Variants in PPP1R12A observed in about 807,000 individuals in gnomAD.
PPP1R12A encodes myosin binding subunit.
Under a neutral mutation model 139.6 loss-of-function variants are expected in PPP1R12A, and 19 were observed. The observed-to-expected ratio is 0.14, with a 90% CI of 0.09 to 0.20. PPP1R12A has a LOEUF of 0.20. Among genes scored for constraint, PPP1R12A ranks in the 10% least tolerant of loss-of-function variants. PPP1R12A has a pLI of 1.00. For missense variants in PPP1R12A, 925 were observed against 1,211.5 expected (o/e 0.76, Z 3.51); for synonymous variants, 427 against 420.6 (o/e 1.02, Z -0.19).
At chr12:79,827,624 G>C (rs1347872468) in intron 5 of PPP1R12A, among the ~76,000 whole-genome samples, 1 of 152,144 alleles carries the variant, frequency 6.6e-6, no homozygotes, top group Non-Finnish European at 1.5e-5. Flanking sequence ...GAGTAGAGGA[G>C]AGAAGTCTAG....
intron 2 of PPP1R12A, among the ~76,000 whole-genome samples, chr12:79,861,675 G>A (rs751898972): frequency 1.1e-4 from 17 of 152,132 alleles, no homozygotes; most frequent in South Asian, 2.1e-4. Context: ...TGCTTGGCTC[G>A]GCGGGTCTCA....
intron 1 of PPP1R12A, among the ~76,000 whole-genome samples, chr12:79,873,814 A>G (rs936482966): frequency 6.6e-5 from 10 of 152,202 alleles, no homozygotes; most frequent in South Asian, 2.1e-4. Context: ...TCTTCCAAGT[A>G]TGATGGTTGT....
chr12:79,820,319 T>C (rs1875940322), intron 8 of PPP1R12A, among the ~76,000 whole-genome samples: 1 of 152,208 alleles, frequency 6.6e-6, no homozygotes, highest in Non-Finnish European at 1.5e-5. Context: ...TTTCTGTATC[T>C]TTAAAATTTC....
chr12:79,798,869 A>G (rs922474253), intron 14 of PPP1R12A, among the ~76,000 whole-genome samples: 7 of 152,176 alleles, frequency 4.6e-5, no homozygotes, highest in African/African-American at 1.7e-4. Flanking sequence ...ACATTTTTAA[A>G]AAGGATTTAG....
At chr12:79,813,707 A>G (rs2137083955) in intron 9 of PPP1R12A, among the ~76,000 whole-genome samples, 1 of 152,350 alleles carries the variant, frequency 6.6e-6, no homozygotes, top group Admixed American at 6.5e-5. Flanking sequence ...TATAGATAAC[A>G]TCTCCACAAA....
intron 1 of PPP1R12A, among the ~76,000 whole-genome samples, chr12:79,918,754 G>C (rs1235211266): frequency 6.6e-6 from 1 of 151,954 alleles, no homozygotes; most frequent in African/African-American, 2.4e-5. Context: ...TCAGTGCCTT[G>C]TCCACACTGC....
At chr12:79,899,257 TATATATATATATATATATATATATA>T (rs1885421447) in intron 1 of PPP1R12A, among the ~76,000 whole-genome samples, 2 of 2,082 alleles carry the variant, frequency 9.6e-4, no homozygotes, top group Non-Finnish European at 2.2e-3. Flanking sequence ...TATATATATA[TATATATATATATATATATATATATA>T]TTCACTGTCT....
At position 79,874,666 on chromosome 12, in the gene PPP1R12A, TA is replaced by T. The variant is rs1206848303; in HGVS notation, c.238-1729del. ...TTAAGAATATAAAGAAGTCCTAAAA[TA>T]AAAAAAAAATTTGAGAACTACAGCC... On this transcript the variant is annotated intron_variant, in intron 1 of 24. Transcript: ENST00000450142. Among the ~76,000 whole-genome samples, 1,199 of 149,722 alleles carry T rather than the reference TA, an allele frequency of 8.0e-3. 17 individuals carry two copies. The highest frequency in any genetic ancestry group is 0.028 in the African/African-American group (1,135 of 40,962).
At chr12:79,857,964 T>C (rs1281734211) in intron 2 of PPP1R12A, among the ~76,000 whole-genome samples, 1 of 152,186 alleles carries the variant, frequency 6.6e-6, no homozygotes, top group Non-Finnish European at 1.5e-5. Context: ...GTCTACAGCT[T>C]TCAGCAAATG....
intron 5 of PPP1R12A, among the ~76,000 whole-genome samples, chr12:79,827,271 T>C (rs1281970076): frequency 3.3e-5 from 5 of 152,150 alleles, no homozygotes; most frequent in Admixed American, 3.3e-4. Context: ...TTAAGACTTT[T>C]ACCAATTCCT....
Position 79,817,512 on chromosome 12 carries a change from G to A in PPP1R12A, c.1121C>T (p.Thr374Ile), listed in dbSNP as rs1875555290. Residue 374 changes from threonine to isoleucine, a missense_variant, in exon 9 of 25, where the codon ACA becomes ATA. By Grantham distance (89) the Thr-to-Ile change is moderately conservative (BLOSUM62 -1). Around this residue, in one of 4 missense-constraint regions of PPP1R12A, gnomAD observed 403 missense variants for 463.7 expected, o/e 0.87. Transcript: ENST00000450142. Reference protein sequence around the residue: ...DSESEAETDKTKPLASVTNAN... With the variant: ...DSESEAETDKIKPLASVTNAN... ...ATTAGTTACAGAAGCCAGGGGTTTT[G>A]TCTTATCTATTAAAGACAAACAATT... The A allele has an allele frequency of 6.3e-7, 1 of 1,584,998 alleles. No individual in the cohort carries two copies. The highest frequency in any genetic ancestry group is 2.3e-5 in the East Asian group (1 of 43,960).
At chr12:79,868,348 A>G (rs1393069512) in intron 2 of PPP1R12A, among the ~76,000 whole-genome samples, 1 of 152,224 alleles carries the variant, frequency 6.6e-6, no homozygotes, top group Non-Finnish European at 1.5e-5. Context: ...TCCATAGCCA[A>G]TGACATTAAC....
At chr12:79,806,987 T>C in intron 12 of PPP1R12A, 2 of 295,030 alleles carry the variant, frequency 6.8e-6, no homozygotes, top group Non-Finnish European at 1.2e-5. Context: ...CTTTTAAATA[T>C]GTAACAATCC....
At chr12:79,891,160 T>A (rs1884609203) in intron 1 of PPP1R12A, among the ~76,000 whole-genome samples, 1 of 152,032 alleles carries the variant, frequency 6.6e-6, no homozygotes, top group Admixed American at 6.6e-5. Context: ...TCAGCTATAT[T>A]CAGATATGTT....
intron 4 of PPP1R12A, among the ~76,000 whole-genome samples, 178 bp downstream of exon 4, chr12:79,832,154 G>T (rs1485491026): frequency 1.3e-5 from 2 of 152,248 alleles, no homozygotes; most frequent in Admixed American, 6.5e-5. Flanking sequence ...AGAGTTGAAA[G>T]AATTTTAGAA....
At chr12:79,894,702 T>C (rs1011309910) in intron 1 of PPP1R12A, among the ~76,000 whole-genome samples, 1 of 152,176 alleles carries the variant, frequency 6.6e-6, no homozygotes, top group Non-Finnish European at 1.5e-5. Flanking sequence ...ACGCACTCCT[T>C]TGTCATTTTA....
intron 1 of PPP1R12A, among the ~76,000 whole-genome samples, chr12:79,900,973 A>C (rs1885584390): frequency 1.3e-5 from 2 of 152,210 alleles, no homozygotes. Context: ...CATTTCCTGA[A>C]TATCTAGCAA....
chr12:79,786,341 C>T (rs1430277258), intron 22 of PPP1R12A, 33 bp downstream of exon 22: 1 of 1,317,864 alleles, frequency 7.6e-7, no homozygotes, highest in South Asian at 1.4e-5. Context: ...ACAACCATTA[C>T]CTTGAGAGTA....
At chr12:79,843,189 C>T (rs1156264814) in intron 3 of PPP1R12A, among the ~76,000 whole-genome samples, 1 of 152,040 alleles carries the variant, frequency 6.6e-6, no homozygotes, top group Non-Finnish European at 1.5e-5. Context: ...ATCAATGACA[C>T]TTGGTTTGCT....
Sources: allele counts gnomAD v4.1 joint callset (sites outside exome capture counted in the v4.1 genomes callset), GRCh38; gene constraint gnomAD v4.1.1; regional missense constraint gnomAD v4.1.1; transcripts MANE v1.5; gene names NCBI Gene and HGNC (gene_info 2026-07-23, HGNC 2026-07-21).